Variants in GALNTL5 observed in about 807,000 individuals in gnomAD.
GALNTL5 encodes inactive polypeptide N-acetylgalactosaminyltransferase-like protein 5.
In GALNTL5, 44 loss-of-function variants were observed where a neutral mutation model predicts 51.0. That is an observed-to-expected ratio of 0.86 (90% CI 0.68 to 1.11). The LOEUF (loss-of-function observed/expected upper bound fraction) is 1.11. GALNTL5 is among the 50% of genes least tolerant of loss of function. The pLI is 0.00. For synonymous variants in GALNTL5, 192 were observed against 182.8 expected, an observed-to-expected ratio of 1.05 and a Z score of -0.41; for missense variants, 528 against 531.8, an observed-to-expected ratio of 0.99 and a Z score of 0.07.
chr7:151,997,611 A>C (rs1050522776), intron 5 of GALNTL5, among the ~76,000 whole-genome samples: 1 of 152,234 alleles, frequency 6.6e-6, no homozygotes, highest in East Asian at 1.9e-4. Context: ...TTTTGCATAA[A>C]GTATAATTTT....
At chr7:152,002,048 G>A (rs991615397) in intron 5 of GALNTL5, among the ~76,000 whole-genome samples, 2 of 152,106 alleles carry the variant, frequency 1.3e-5, no homozygotes, top group Non-Finnish European at 2.9e-5. Context: ...CAAAGGCTGA[G>A]GTGGGCGGAT....
At chr7:151,973,807 C>G (rs2081176380) in intron 3 of GALNTL5, among the ~76,000 whole-genome samples, 3 of 151,930 alleles carry the variant, frequency 2.0e-5, no homozygotes, top group African/African-American at 7.3e-5. Flanking sequence ...TATGGTTTGG[C>G]TGTGTGTCCC....
Position 152,014,768 on chromosome 7 carries a change from T to C in GALNTL5, c.1151T>C (p.Val384Ala), listed in dbSNP as rs1276868042. The C allele has an allele frequency of 6.2e-7, 1 of 1,611,050 alleles. No homozygotes were observed. Among genetic ancestry groups the C allele is most frequent in the Non-Finnish European group, 8.5e-7 (1 of 1,179,234 alleles). ...ATGACACATAACTACCTAAGACTGG[T>C]GCACGTTTGGCTGGATGAATATAAG... ...SAMTHNYLRL[V>A]HVWLDEYKEQ... The change falls in exon 8 of 9, where the codon GTG becomes GCG. Residue 384 changes from valine to alanine, a missense_variant. By Grantham distance (64) the Val-to-Ala change is moderately conservative. Coordinates refer to ENST00000392800, the MANE Select transcript of GALNTL5 (RefSeq NM_145292.4).
chr7:151,981,601 C>A (rs930925779), intron 3 of GALNTL5, among the ~76,000 whole-genome samples: 2 of 101,334 alleles, frequency 2.0e-5, no homozygotes, highest in Admixed American at 2.3e-4. Flanking sequence ...CTCCTTCCTT[C>A]CTTCCCTCCT....
intron 5 of GALNTL5, among the ~76,000 whole-genome samples, chr7:151,996,082 A>G (rs2081495570): frequency 6.6e-6 from 1 of 152,212 alleles, no homozygotes; most frequent in South Asian, 2.1e-4. Context: ...GCTAGGTTTA[A>G]CAGATTTATA....
chr7:151,962,035 C>T (rs1430617832), intron 1 of GALNTL5, among the ~76,000 whole-genome samples: 1 of 144,330 alleles, frequency 6.9e-6, no homozygotes, highest in Non-Finnish European at 1.5e-5. Flanking sequence ...GAGTCTCTCG[C>T]TCTGTTGCCC....
At chr7:151,981,035 G>A (rs10271272) in intron 3 of GALNTL5, among the ~76,000 whole-genome samples, 50,590 of 151,710 alleles carry the variant, frequency 0.33, 8,381 homozygotes, top group South Asian at 0.4. Flanking sequence ...TTGAGCCACC[G>A]CGCCCGGCCA....
chr7:152,009,340 C>A (rs2081698312), intron 7 of GALNTL5, among the ~76,000 whole-genome samples: 1 of 152,188 alleles, frequency 6.6e-6, no homozygotes, highest in African/African-American at 2.4e-5. Context: ...GTAGTGATGT[C>A]CTTAATGGAT....
intron 6 of GALNTL5, among the ~76,000 whole-genome samples, chr7:152,006,439 A>C (rs2081643342): frequency 6.6e-6 from 1 of 152,232 alleles, no homozygotes; most frequent in Admixed American, 6.5e-5. Flanking sequence ...TAACAGCATG[A>C]CTGGATTCTG....
intron 7 of GALNTL5, among the ~76,000 whole-genome samples, chr7:152,011,898 A>G (rs1251668999): frequency 1.3e-5 from 2 of 152,152 alleles, no homozygotes; most frequent in East Asian, 3.9e-4. Context: ...GTAATAAACC[A>G]CCTCAAAACT....
Position 152,001,293 on chromosome 7 carries a change from T to C in GALNTL5, c.659-1421T>C, listed in dbSNP as rs2081577726. ...TGATGAATTCCAACGTATATGTTTT[T>C]TCTTATGTCCCCTGTATTTTTGGTG... is the stretch of plus-strand genomic sequence containing the variant. On this transcript the variant is annotated intron_variant, in intron 5 of 8. Transcript: ENST00000392800. Among the ~76,000 whole-genome samples, 3 of 152,112 alleles carry C rather than the reference T, an allele frequency of 2.0e-5. 1 individual carries two copies. Among genetic ancestry groups the C allele is most frequent in the African/African-American group, 7.2e-5 (3 of 41,390 alleles).
At chr7:151,987,086 CATA>C in intron 4 of GALNTL5, 70 bp from the exon 5 acceptor site, 1 of 1,292,258 alleles carries the variant, frequency 7.7e-7, no homozygotes. Context: ...AGGAATACGT[CATA>C]ATGATGATAC....
intron 1 of GALNTL5, among the ~76,000 whole-genome samples, chr7:151,964,131 G>GTCTTTTC (rs2081028271): frequency 6.6e-6 from 1 of 152,096 alleles, no homozygotes; most frequent in Non-Finnish European, 1.5e-5. Flanking sequence ...GCCCTCACCG[G>GTCTTTTC]TCTTTTCTCT....
chr7:151,971,747 C>T (rs112836836), intron 3 of GALNTL5, among the ~76,000 whole-genome samples: 13 of 152,254 alleles, frequency 8.5e-5, no homozygotes, highest in African/African-American at 2.6e-4. Context: ...GGGTGGTTTC[C>T]CTCATGCTGT....
At chr7:151,995,737 A>G (rs2081491634) in intron 5 of GALNTL5, among the ~76,000 whole-genome samples, 1 of 152,176 alleles carries the variant, frequency 6.6e-6, no homozygotes, top group Admixed American at 6.5e-5. Context: ...AATAATTAAA[A>G]CATAAACATT....
chr7:152,003,069 T>C lies in GALNTL5; in HGVS notation c.908+106T>C, dbSNP rs965425336. On this transcript the variant is annotated intron_variant, in intron 6 of 8. Coordinates refer to ENST00000392800, the MANE Select transcript of GALNTL5 (RefSeq NM_145292.4). ...TTCAAGTTCTTGGGCTTAATCAAAATGTTATGTTACTTGTTTCTAGAAGTC... is the reference window on the plus strand; with the variant it reads ...TTCAAGTTCTTGGGCTTAATCAAAACGTTATGTTACTTGTTTCTAGAAGTC... 6.3e-6 allele frequency: 6 copies of C among 957,132 alleles called. No individual in the cohort carries two copies. The African/African-American group carries it at 9.9e-5, about 16-fold the overall frequency. The allele number at this position is 957,132 out of a possible 1,614,324, so 59.3% of individuals were successfully genotyped here.
At chr7:151,987,019 A>C (rs1012669766) in intron 4 of GALNTL5, 140 bp from the exon 5 acceptor site, 7 of 640,876 alleles carry the variant, frequency 1.1e-5, no homozygotes, top group East Asian at 8.0e-5. Flanking sequence ...GAGACACCAC[A>C]CCTGGCCCCA....
At chr7:151,984,380 A>C (rs541685052) in intron 4 of GALNTL5, among the ~76,000 whole-genome samples, 159 of 152,286 alleles carry the variant, frequency 1.0e-3, no homozygotes, top group African/African-American at 3.6e-3. Flanking sequence ...AGTCAACCCA[A>C]TCCACTCTAA....
intron 5 of GALNTL5, chr7:151,995,347 AATT>A (rs2081484173): frequency 1.2e-4 from 11 of 91,052 alleles, no homozygotes; most frequent in Admixed American, 1.3e-4. Flanking sequence ...AGTTGGTATG[AATT>A]TTTTTTTTTT....
Sources: allele counts gnomAD v4.1 joint callset (sites outside exome capture counted in the v4.1 genomes callset), GRCh38; gene constraint gnomAD v4.1.1; transcripts MANE v1.5; gene names NCBI Gene and HGNC (gene_info 2026-07-23, HGNC 2026-07-21).